FCGR3B: variants seen among roughly 807,000 people sequenced by gnomAD.
The protein encoded by FCGR3B is Fc gamma receptor IIIb, also known as low affinity immunoglobulin gamma Fc region receptor III-B.
Under a neutral mutation model 26.7 loss-of-function variants are expected in FCGR3B, and 20 were observed. The observed-to-expected ratio is 0.75, with a 90% CI of 0.53 to 1.09. The LOEUF (loss-of-function observed/expected upper bound fraction) is 1.09, where lower values mean the gene tolerates loss of function less well. Ranked by LOEUF, FCGR3B falls within the 50% of genes least tolerant of loss-of-function variation. The pLI, the probability that FCGR3B is intolerant of heterozygous loss-of-function variation, is 0.00. For missense variants in FCGR3B, 191 were observed against 279.7 expected (o/e 0.68, Z 2.26); for synonymous variants, 79 against 107.0 (o/e 0.74, Z 1.62).
At chr1:161,630,494 C>T (rs1679686893) in intron 1 of FCGR3B, 106 bp from the exon 2 acceptor site, 1 of 950,448 alleles carries the variant, frequency 1.1e-6, no homozygotes, top group Non-Finnish European at 1.6e-6. Context: ...CCCCAGGAGC[C>T]CAATTTTCCC....
At chr1:161,627,207 A>G (rs34527977) in intron 3 of FCGR3B, among the ~76,000 whole-genome samples, 29,289 of 149,454 alleles carry the variant, frequency 0.2, 4,245 homozygotes, top group Non-Finnish European at 0.28. Context: ...GCATAAGAAA[A>G]TATTCATGAG....
intron 3 of FCGR3B, among the ~76,000 whole-genome samples, chr1:161,628,077 TC>T (rs1679557023): frequency 6.7e-6 from 1 of 149,642 alleles, no homozygotes. Context: ...ATCAAGACCA[TC>T]CTGGCTAATG....
rs761203323 is a variant in FCGR3B at position 161,624,494 on chromosome 1, C to T, written c.*21G>A. 2.5e-6 allele frequency: 4 copies of T among 1,604,684 alleles called. No individual in the cohort carries two copies. The highest frequency in any genetic ancestry group is 1.7e-6 in the Non-Finnish European group (2 of 1,175,768). Reference sequence around the variant, plus strand: ...CCTTTCTCCATTTAAGTTTATGGTCCTTCCAGTCTCTTGTTGAGCTTCAAA... The same window carrying T: ...CCTTTCTCCATTTAAGTTTATGGTCTTTCCAGTCTCTTGTTGAGCTTCAAA... On this transcript the variant is annotated 3_prime_UTR_variant, in exon 5 of 5. Transcript: ENST00000650385.
chr1:161,631,419 C>G, upstream of FCGR3B: 2 of 571,634 alleles, frequency 3.5e-6, no homozygotes, highest in Non-Finnish European at 3.1e-6. Context: ...TCCCAGGATG[C>G]TTGCCCCCAT....
chr1:161,626,951 G>A (rs535695318), intron 3 of FCGR3B, among the ~76,000 whole-genome samples: 2 of 150,078 alleles, frequency 1.3e-5, no homozygotes, highest in South Asian at 2.1e-4. Flanking sequence ...TCAGGGTGGC[G>A]AAGGGCGGGA....
At chr1:161,628,105 C>G (rs1449509931) in intron 3 of FCGR3B, among the ~76,000 whole-genome samples, 1 of 149,718 alleles carries the variant, frequency 6.7e-6, no homozygotes, top group Non-Finnish European at 1.5e-5. Flanking sequence ...AACCCTGTCT[C>G]TACTAAAAAT....
Position 161,624,734 on chromosome 1 carries a change from A to G in FCGR3B, c.578-95T>C. 1.7e-6 allele frequency: 2 copies of G among 1,182,220 alleles called. 1 individual carries two copies. The highest frequency in any genetic ancestry group is 4.7e-5 in the East Asian group (2 of 42,266). 73.2% of individuals were successfully genotyped at this position (1,182,220 alleles called of 1,614,324 possible). A position where few individuals can be genotyped will look rare whatever the true frequency, so the allele number is the denominator to read the frequency against. On this transcript the variant is annotated intron_variant, in intron 4 of 4. Transcript: ENST00000650385. ...GGTCACCAGTAGAGAGTCTTTGACAAGTGCCAACAGGCAAGTGGTAGGAAT... is the reference window on the plus strand; with the variant it reads ...GGTCACCAGTAGAGAGTCTTTGACAGGTGCCAACAGGCAAGTGGTAGGAAT...
At chr1:161,628,356 G>C (rs1186748862) in intron 3 of FCGR3B, among the ~76,000 whole-genome samples, 1 of 150,058 alleles carries the variant, frequency 6.7e-6, no homozygotes, top group African/African-American at 2.5e-5. Context: ...GGGTCCTAAA[G>C]GAATAAAGGA....
upstream of FCGR3B, among the ~76,000 whole-genome samples, chr1:161,631,624 T>C (rs543047254): frequency 8.0e-6 from 1 of 125,362 alleles, no homozygotes; most frequent in Non-Finnish European, 1.7e-5. Context: ...TTCAAATCTT[T>C]GACCACTAGC....
At position 161,630,355 on chromosome 1, in the gene FCGR3B, G is replaced by A; in HGVS notation, c.61+13C>T. The stretch of plus-strand genomic sequence containing the variant: ...CCCCACTGGGTCAATCCAAGACCAT[G>A]AAGCTGACTCACCAGTCCGCATGCC... On this transcript the variant is annotated intron_variant, in intron 2 of 4. Transcript: ENST00000650385. 6.2e-7 allele frequency: 1 copy of A among 1,602,696 alleles called. No individual in the cohort carries two copies. Among genetic ancestry groups the A allele is most frequent in the Non-Finnish European group, 8.5e-7 (1 of 1,174,074 alleles).
chr1:161,623,713 T>C lies in FCGR3B; in HGVS notation c.*802A>G. The C allele has an allele frequency of 6.7e-6, 1 of 148,212 alleles. No homozygotes were observed. Among genetic ancestry groups the C allele is most frequent in the African/African-American group, 2.5e-5 (1 of 39,332 alleles). The allele number at this position is 148,212 out of a possible 1,614,324, so 9.2% of individuals were successfully genotyped here. ...ACAGGGTTTGTTCTGTACTTTCTTT[T>C]CCACCCCACCCCCACCCCAATCCTC... is the stretch of plus-strand genomic sequence containing the variant. On this transcript the variant is annotated 3_prime_UTR_variant, in exon 5 of 5. Transcript: ENST00000650385.
At chr1:161,629,462 A>T (rs201758471) in intron 3 of FCGR3B, among the ~76,000 whole-genome samples, 3,373 of 44,878 alleles carry the variant, frequency 0.075, 38 homozygotes, top group East Asian at 0.21. Flanking sequence ...AAAATAAATA[A>T]ATAAATAACT....
chr1:161,624,991 T>A (rs554132887), intron 4 of FCGR3B, among the ~76,000 whole-genome samples: 1 of 138,066 alleles, frequency 7.2e-6, no homozygotes, highest in South Asian at 2.3e-4. Flanking sequence ...GATTTTGCAT[T>A]TCAATTTTTT....
At chr1:161,625,898 C>A (rs547784181) in intron 4 of FCGR3B, among the ~76,000 whole-genome samples, 1 of 147,924 alleles carries the variant, frequency 6.8e-6, no homozygotes, top group South Asian at 2.2e-4. Context: ...GTGGCTTCTG[C>A]TCCTGCCATC....
intron 3 of FCGR3B, among the ~76,000 whole-genome samples, chr1:161,627,554 G>A (rs900969256): frequency 6.6e-6 from 1 of 150,532 alleles, no homozygotes; most frequent in African/African-American, 2.5e-5. Context: ...CAAACAGAAA[G>A]TAATCTTCAT....
chr1:161,626,217 A>G lies in FCGR3B; in HGVS notation c.505T>C (p.Ser169Pro). Residue 169 changes from serine to proline, a missense_variant, in exon 4 of 5, where the codon TCC becomes CCC. This residue lies in a region of FCGR3B where 103 missense variants were observed against 114.5 expected (regional missense o/e 0.90). Coordinates refer to ENST00000650385, the MANE Select transcript of FCGR3B (RefSeq NM_001244753.2). ...IPKATLKDSG[S>P]YFCRGLVGSK... The stretch of plus-strand genomic sequence containing the variant: ...CCAACAAGCCCCCTGCAGAAGTAGG[A>G]GCCGCTATCTTTGAGTGTGGCTTTT... The G allele has an allele frequency of 6.2e-7, 1 of 1,608,704 alleles. No homozygotes were observed. Among genetic ancestry groups the G allele is most frequent in the Non-Finnish European group, 8.5e-7 (1 of 1,177,614 alleles).
chr1:161,624,481 T>C lies in FCGR3B; in HGVS notation c.*34A>G. The C allele has an allele frequency of 6.2e-7, 1 of 1,601,106 alleles. No individual in the cohort carries two copies. ...GTGTCTTGAGGGTCCTTTCTCCATT[T>C]AAGTTTATGGTCCTTCCAGTCTCTT... is the stretch of plus-strand genomic sequence containing the variant. On this transcript the variant is annotated 3_prime_UTR_variant, in exon 5 of 5. Coordinates refer to ENST00000650385, the MANE Select transcript of FCGR3B (RefSeq NM_001244753.2).
chr1:161,628,341 G>C (rs61803016), intron 3 of FCGR3B, among the ~76,000 whole-genome samples: 148,908 of 149,666 alleles, frequency 0.99, 74,130 homozygotes, highest in East Asian at 1. Flanking sequence ...GGACATAAGT[G>C]AAATGGGTCC....
At chr1:161,630,931 C>T (rs1679716321) in intron 1 of FCGR3B, 124 bp downstream of exon 1, 1 of 1,463,570 alleles carries the variant, frequency 6.8e-7, no homozygotes, top group Non-Finnish European at 9.0e-7. Flanking sequence ...GCTCAATCCA[C>T]AGCTATAGAT....
Sources: gnomAD v4.1 joint callset for allele counts (sites outside exome capture counted in the v4.1 genomes callset) on GRCh38, gnomAD v4.1.1 for gene constraint, gnomAD v4.1.1 regional missense constraint, MANE v1.5 for transcripts, NCBI Gene and HGNC (gene_info 2026-07-23, HGNC 2026-07-21) for gene names.